The following WIPF3 variants were observed in gnomAD, a reference collection of about 807,000 sequenced individuals.
WIPF3 encodes the protein WAS/WASL interacting protein family member 3.
Under a neutral mutation model 38.9 loss-of-function variants are expected in WIPF3, and 33 were observed. That is an observed-to-expected ratio of 0.85 (90% confidence interval 0.64 to 1.14). The LOEUF is 1.14. Among genes scored for constraint, WIPF3 ranks in the 50% most tolerant of loss-of-function variants. The pLI is 0.00. For synonymous variants in WIPF3, 324 were observed against 269.3 expected (o/e 1.20, Z -1.99); for missense variants, 711 against 652.5 (o/e 1.09, Z -0.98).
intron 8 of WIPF3, among the ~76,000 whole-genome samples, chr7:29,912,878 G>A (rs1786530095): frequency 6.6e-6 from 1 of 152,190 alleles, no homozygotes; most frequent in South Asian, 2.1e-4. Flanking sequence ...AGTAGAAACA[G>A]CAAGTAGACT....
intron 2 of WIPF3, among the ~76,000 whole-genome samples, chr7:29,854,394 AT>A: frequency 6.6e-6 from 1 of 152,346 alleles, no homozygotes; most frequent in South Asian, 2.1e-4. Context: ...GGAGTGTGGC[AT>A]TTTAATATGC....
chr7:29,889,693 A>G (rs138594379), intron 7 of WIPF3, among the ~76,000 whole-genome samples: 110 of 152,276 alleles, frequency 7.2e-4, no homozygotes, highest in African/African-American at 2.5e-3. Flanking sequence ...GGGGCTTTTG[A>G]TAAGGGAACT....
chr7:29,870,624 G>T (rs1218725951), intron 2 of WIPF3, among the ~76,000 whole-genome samples: 1 of 152,112 alleles, frequency 6.6e-6, no homozygotes, highest in Non-Finnish European at 1.5e-5. Context: ...GTAAAGAACA[G>T]GACCAGACTC....
chr7:29,882,361 T>C (rs934919844), intron 4 of WIPF3, among the ~76,000 whole-genome samples: 1 of 152,234 alleles, frequency 6.6e-6, no homozygotes, highest in African/African-American at 2.4e-5. Flanking sequence ...CATCTTTTTG[T>C]ATTATATGGA....
chr7:29,836,761 G>T (rs184719639), intron 2 of WIPF3, among the ~76,000 whole-genome samples: 261 of 147,482 alleles, frequency 1.8e-3, no homozygotes, highest in Middle Eastern at 4.2e-3. Context: ...GGCCGAGGTG[G>T]GCAGATCACC....
intron 2 of WIPF3, among the ~76,000 whole-genome samples, chr7:29,850,980 C>T (rs1007766369): frequency 8.5e-5 from 13 of 152,220 alleles, no homozygotes; most frequent in Admixed American, 8.5e-4. Context: ...TGCTTTAAAG[C>T]ATCAGCACAG....
intron 4 of WIPF3, 55 bp downstream of exon 4, chr7:29,879,195 A>G (rs1785668007): frequency 6.3e-7 from 1 of 1,579,168 alleles, no homozygotes; most frequent in Admixed American, 1.7e-5. Context: ...TAACTTGTGG[A>G]ACCATCTGGG....
intron 4 of WIPF3, 127 bp from the exon 5 acceptor site, chr7:29,883,723 C>T (rs1785770483): frequency 7.6e-7 from 1 of 1,316,052 alleles, no homozygotes; most frequent in Non-Finnish European, 9.9e-7. Flanking sequence ...TCAGTGGACA[C>T]GTGCAGAAAA....
intron 1 of WIPF3, among the ~76,000 whole-genome samples, chr7:29,817,003 C>G (rs1784466956): frequency 6.6e-6 from 1 of 152,174 alleles, no homozygotes; most frequent in African/African-American, 2.4e-5. Context: ...ATTCCCTGCA[C>G]TCTCTCCAAC....
rs1279518506 is a variant in WIPF3, at chr7:29,883,996, C to A, written c.502C>A (p.Arg168Ser). The change falls in exon 5 of 9, where the codon CGC becomes AGC. Residue 168 changes from arginine (R) to serine (S), a missense_variant. Transcript: ENST00000242140. The stretch of plus-strand genomic sequence containing the variant: ...TGGCGCTGCCAGGACAGCCCCGCCT[C>A]GCCCCAACGTGCCTGCCCCGCCCCC... ...AHGAARTAPP[R>S]PNVPAPPPPT... 2.0e-6 allele frequency: 3 copies of A among 1,530,534 alleles called. No homozygotes were observed. The East Asian group carries it at 7.5e-5, about 38-fold the overall frequency. 94.8% of individuals were successfully genotyped at this position (1,530,534 alleles called of 1,614,324 possible). A position where few individuals can be genotyped will look rare whatever the true frequency, so the allele number is the denominator to read the frequency against.
intron 1 of WIPF3, among the ~76,000 whole-genome samples, chr7:29,829,898 T>A (rs140595948): frequency 4.6e-5 from 7 of 152,362 alleles, no homozygotes; most frequent in African/African-American, 1.7e-4. Flanking sequence ...GGAGAAAGTA[T>A]AAAAGCCTTT....
At chr7:29,850,778 C>A in intron 2 of WIPF3, among the ~76,000 whole-genome samples, 1 of 152,200 alleles carries the variant, frequency 6.6e-6, no homozygotes, top group Non-Finnish European at 1.5e-5. Flanking sequence ...GGCACACACT[C>A]ACCTTCCCCA....
At chr7:29,836,813 A>G (rs1234136883) in intron 2 of WIPF3, among the ~76,000 whole-genome samples, 1 of 151,678 alleles carries the variant, frequency 6.6e-6, no homozygotes, top group Non-Finnish European at 1.5e-5. Flanking sequence ...ACATGGCTAA[A>G]CCCCATCTCT....
intron 8 of WIPF3, among the ~76,000 whole-genome samples, chr7:29,907,359 A>G (rs1218203325): frequency 6.6e-6 from 1 of 152,210 alleles, no homozygotes; most frequent in Non-Finnish European, 1.5e-5. Flanking sequence ...TCAACAACTA[A>G]AAGGAGTGGT....
chr7:29,833,875 G>A (rs993943329), intron 1 of WIPF3, among the ~76,000 whole-genome samples: 27 of 152,270 alleles, frequency 1.8e-4, no homozygotes, highest in Non-Finnish European at 3.2e-4. Context: ...TCCTTGCAGT[G>A]TGCCTTGCTA....
Position 29,884,136 on chromosome 7 carries a change from G to A in WIPF3, c.642G>A (p.Val214=), listed in dbSNP as rs756453261. ...PGPLTKGNLP[V]VAPPVPCAPP... is the part of the protein sequence containing the mutation. Reference sequence around the variant, plus strand: ...CACTGACCAAAGGGAACCTCCCGGTGGTTGCACCCCCCGTCCCCTGTGCGC... The same window carrying A: ...CACTGACCAAAGGGAACCTCCCGGTAGTTGCACCCCCCGTCCCCTGTGCGC... Residue 214 remains valine (V), a synonymous_variant, in exon 5 of 9, where the codon GTG becomes GTA. Coordinates refer to ENST00000242140, the MANE Select transcript of WIPF3 (RefSeq NM_001080529.3). The A allele has an allele frequency of 1.3e-6, 2 of 1,532,204 alleles. No individual in the cohort carries two copies. Among genetic ancestry groups the A allele is most frequent in the South Asian group, 2.4e-5 (2 of 81,840 alleles). 94.9% of individuals were successfully genotyped at this position (1,532,204 alleles called of 1,614,324 possible). A position where few individuals can be genotyped will look rare whatever the true frequency, so the allele number is the denominator to read the frequency against.
intron 6 of WIPF3, 22 bp downstream of exon 6, chr7:29,888,239 C>T (rs1166391692): frequency 6.3e-7 from 1 of 1,590,498 alleles, no homozygotes; most frequent in East Asian, 2.3e-5. Flanking sequence ...GCACCCTCTG[C>T]CGGTTTGGCT....
chr7:29,837,442 C>A (rs2128065962), intron 2 of WIPF3, among the ~76,000 whole-genome samples: 1 of 152,296 alleles, frequency 6.6e-6, no homozygotes, highest in South Asian at 2.1e-4. Flanking sequence ...TAGCAAAAAT[C>A]AGAAGAGAAT....
intron 2 of WIPF3, among the ~76,000 whole-genome samples, chr7:29,863,429 T>G (rs1785332521): frequency 6.6e-6 from 1 of 152,248 alleles, no homozygotes; most frequent in Non-Finnish European, 1.5e-5. Flanking sequence ...CATAAATCTC[T>G]ATTTCTCTAT....
Sources: gnomAD v4.1 joint callset for allele counts (sites outside exome capture counted in the v4.1 genomes callset) on GRCh38, gnomAD v4.1.1 for gene constraint, MANE v1.5 for transcripts, NCBI Gene and HGNC (gene_info 2026-07-23, HGNC 2026-07-21) for gene names.